LRP1B: variants seen among roughly 807,000 people sequenced by gnomAD.
LRP1B encodes the protein low-density lipoprotein receptor-related protein 1B.
LRP1B carries 217 observed loss-of-function variants against 556.6 expected under a neutral mutation model. The ratio of observed to expected loss-of-function variants is 0.39; its 90% CI spans 0.35 to 0.44. The LOEUF (loss-of-function observed/expected upper bound fraction) is 0.44, where lower values mean the gene tolerates loss of function less well. Ranked by LOEUF, LRP1B falls within the 20% of genes least tolerant of loss-of-function variation. LRP1B has a pLI of 1.00. For missense variants in LRP1B, 5,053 were observed against 5,620.8 expected, an observed-to-expected ratio of 0.90 and a Z score of 3.23; for synonymous variants, 2,047 against 1,865.8, an observed-to-expected ratio of 1.10 and a Z score of -2.50.
At chr2:140,584,920 G>A (rs1005475364) in intron 43 of LRP1B, among the ~76,000 whole-genome samples, 2 of 151,320 alleles carry the variant, frequency 1.3e-5, no homozygotes, top group African/African-American at 4.9e-5. Flanking sequence ...TTTATTCAGA[G>A]CATCCTTTTT....
chr2:141,302,910 A>G (rs2105433239), intron 3 of LRP1B, among the ~76,000 whole-genome samples: 1 of 152,138 alleles, frequency 6.6e-6, no homozygotes, highest in Non-Finnish European at 1.5e-5. Context: ...TCAATAATTA[A>G]ATTTTTACCA....
intron 43 of LRP1B, among the ~76,000 whole-genome samples, chr2:140,558,983 T>C (rs1262804960): frequency 6.6e-6 from 1 of 151,324 alleles, no homozygotes; most frequent in Non-Finnish European, 1.5e-5. Flanking sequence ...ATTTGTGCTG[T>C]CAAACAAGTA....
Position 142,003,207 on chromosome 2 carries a change from C to T in LRP1B, c.82+127441G>A, listed in dbSNP as rs77765819. Among the ~76,000 whole-genome samples, 969 of 152,330 alleles carry T rather than the reference C, an allele frequency of 6.4e-3. 10 individuals are homozygous for T. Among genetic ancestry groups the T allele is most frequent in the African/African-American group, 0.022 (929 of 41,576 alleles). ...TCCATAAAAATTTACTGAACACTTA[C>T]CATATGCAAGGTCCTCTGCAAAGTG... On this transcript the variant is annotated intron_variant, in intron 1 of 90. Transcript: ENST00000389484.
At chr2:140,698,111 C>T (rs867233988) in intron 41 of LRP1B, among the ~76,000 whole-genome samples, 5 of 151,744 alleles carry the variant, frequency 3.3e-5, no homozygotes, top group South Asian at 2.1e-4. Context: ...TTCAACATCA[C>T]GTCATTCCCT....
chr2:141,945,346 A>G (rs960527587), intron 1 of LRP1B, among the ~76,000 whole-genome samples: 2 of 152,156 alleles, frequency 1.3e-5, no homozygotes, highest in African/African-American at 4.8e-5. Flanking sequence ...TAATTCTCTT[A>G]AAGACATATT....
intron 3 of LRP1B, among the ~76,000 whole-genome samples, chr2:141,277,834 A>G (rs1313112124): frequency 6.6e-6 from 1 of 152,106 alleles, no homozygotes; most frequent in Non-Finnish European, 1.5e-5. Flanking sequence ...AGAGAGTAGT[A>G]TATTAATCAC....
At chr2:140,393,151 T>TG in intron 66 of LRP1B, among the ~76,000 whole-genome samples, 1 of 152,044 alleles carries the variant, frequency 6.6e-6, no homozygotes, top group African/African-American at 2.4e-5. Flanking sequence ...TCTACATTTT[T>TG]TTTTTTTTTA....
intron 1 of LRP1B, among the ~76,000 whole-genome samples, chr2:142,110,702 T>G (rs1279242175): frequency 1.3e-5 from 2 of 152,178 alleles, no homozygotes; most frequent in African/African-American, 4.8e-5. Context: ...TAATGATTTC[T>G]TTTAGGAACT....
intron 1 of LRP1B, among the ~76,000 whole-genome samples, chr2:141,901,348 G>A (rs1699613547): frequency 6.6e-6 from 1 of 151,950 alleles, no homozygotes; most frequent in Admixed American, 6.6e-5. Flanking sequence ...TTAGTGGGAT[G>A]AGAAAAGGAG....
chr2:141,690,113 AT>A (rs1372939454), intron 2 of LRP1B, among the ~76,000 whole-genome samples: 1 of 151,582 alleles, frequency 6.6e-6, no homozygotes, highest in African/African-American at 2.4e-5. Flanking sequence ...TTTTACAAGA[AT>A]TGCTGTATCA....
intron 34 of LRP1B, 25 bp from the exon 35 acceptor site, chr2:140,769,369 G>A (rs779571911): frequency 3.2e-6 from 5 of 1,570,480 alleles, no homozygotes; most frequent in East Asian, 4.6e-5. Flanking sequence ...GGAGATAAGG[G>A]GGGGAAGGGA....
chr2:140,958,515 G>A (rs529381969), intron 18 of LRP1B, among the ~76,000 whole-genome samples: 2 of 151,562 alleles, frequency 1.3e-5, no homozygotes, highest in South Asian at 4.1e-4. Flanking sequence ...GCAGCTCAGA[G>A]TTTAAGAACA....
chr2:141,478,266 C>T (rs1460457499), intron 3 of LRP1B, among the ~76,000 whole-genome samples: 1 of 152,048 alleles, frequency 6.6e-6, no homozygotes. Flanking sequence ...ATCCTTGGCA[C>T]AGAAGTATGT....
intron 31 of LRP1B, among the ~76,000 whole-genome samples, chr2:140,835,402 C>A (rs1005765520): frequency 1.3e-5 from 2 of 152,204 alleles, no homozygotes; most frequent in African/African-American, 2.4e-5. Context: ...GAGGCTTCAC[C>A]TGCATAAAGA....
intron 11 of LRP1B, 48 bp from the exon 12 acceptor site, chr2:141,020,150 T>A (rs2105397474): frequency 7.7e-7 from 1 of 1,292,652 alleles, no homozygotes; most frequent in Non-Finnish European, 1.0e-6. Flanking sequence ...ACAACTATAG[T>A]AAAATTAGTG....
At chr2:140,562,705 C>G (rs1257253597) in intron 43 of LRP1B, among the ~76,000 whole-genome samples, 1 of 152,102 alleles carries the variant, frequency 6.6e-6, no homozygotes, top group African/African-American at 2.4e-5. Flanking sequence ...ATTGCAACCT[C>G]CACCTCCTGG....
rs1680621624 is a variant in LRP1B, at chr2:141,173,957, TCTC to T, written c.1013+14461_1013+14463del. Among the ~76,000 whole-genome samples the T allele has an allele frequency of 2.0e-5, 3 of 152,114 alleles. No individual in the cohort carries two copies. In the South Asian group the frequency reaches 6.2e-4, roughly 32 times the overall value. On this transcript the variant is annotated intron_variant, in intron 7 of 90. Transcript: ENST00000389484. Reference sequence around the variant, plus strand: ...TATGTTTACACTATTTCAACTGACTTCTCCTTCTTTTTATTTTAGATAGCATTC... The same window carrying T: ...TATGTTTACACTATTTCAACTGACTTCTTCTTTTTATTTTAGATAGCATTC...
chr2:140,670,761 A>G (rs1329399499), intron 41 of LRP1B, among the ~76,000 whole-genome samples: 1 of 152,234 alleles, frequency 6.6e-6, no homozygotes, highest in Non-Finnish European at 1.5e-5. Flanking sequence ...GAAATATTCC[A>G]ATATTACTTT....
intron 46 of LRP1B, among the ~76,000 whole-genome samples, chr2:140,535,989 G>T (rs915530488): frequency 6.6e-6 from 1 of 152,058 alleles, no homozygotes; most frequent in East Asian, 1.9e-4. Flanking sequence ...ACAAGCCAAC[G>T]ATGTGCTATT....
Sources: allele counts gnomAD v4.1 joint callset (sites outside exome capture counted in the v4.1 genomes callset), GRCh38; gene constraint gnomAD v4.1.1; transcripts MANE v1.5; gene names NCBI Gene and HGNC (gene_info 2026-07-23, HGNC 2026-07-21).